The following DYNC1I2 variants were observed in gnomAD, a reference collection of about 807,000 sequenced individuals.
The protein encoded by DYNC1I2 is dynein cytoplasmic 1 intermediate chain 2, also known as cytoplasmic dynein 1 intermediate chain 2.
A neutral mutation model predicts 88.6 loss-of-function variants in DYNC1I2; 53 were observed. That is an observed-to-expected ratio of 0.60 (90% CI 0.48 to 0.75). DYNC1I2 has a LOEUF of 0.75. Ranked by LOEUF, DYNC1I2 falls within the 30% of genes least tolerant of loss-of-function variation. DYNC1I2 has a pLI of 0.00. For missense variants in DYNC1I2, 458 were observed against 766.6 expected, an observed-to-expected ratio of 0.60 and a Z score of 4.75; for synonymous variants, 198 against 254.6, an observed-to-expected ratio of 0.78 and a Z score of 2.12.
Position 171,748,778 on chromosome 2 carries a change from C to T in DYNC1I2, c.*889C>T, listed in dbSNP as rs375732503. Reference sequence around the variant, plus strand: ...TAAAATCTTTGAGAGAAATTGATTTCATGATTTCAGTAGCCATAAAGGCAA... The same window carrying T: ...TAAAATCTTTGAGAGAAATTGATTTTATGATTTCAGTAGCCATAAAGGCAA... On this transcript the variant is annotated 3_prime_UTR_variant, in exon 18 of 18. Coordinates refer to ENST00000397119, the MANE Select transcript of DYNC1I2 (RefSeq NM_001378.3). Among the ~76,000 whole-genome samples the T allele has an allele frequency of 2.2e-4, 33 of 152,298 alleles. No individual in the cohort carries two copies. The highest frequency in any genetic ancestry group is 1.7e-3 in the East Asian group (9 of 5,192).
chr2:171,717,225 C>G (rs1687565793), intron 7 of DYNC1I2, among the ~76,000 whole-genome samples: 1 of 151,174 alleles, frequency 6.6e-6, no homozygotes, highest in Non-Finnish European at 1.5e-5. Flanking sequence ...TCAGTTCTCC[C>G]ACCTCAGCTT....
intron 7 of DYNC1I2, among the ~76,000 whole-genome samples, chr2:171,718,155 G>A (rs867380811): frequency 6.6e-6 from 1 of 151,756 alleles, no homozygotes; most frequent in Non-Finnish European, 1.5e-5. Flanking sequence ...TGGGGGTCTC[G>A]CCATGTTGGC....
At chr2:171,694,417 G>T (rs1278238934) in intron 3 of DYNC1I2, among the ~76,000 whole-genome samples, 1 of 152,128 alleles carries the variant, frequency 6.6e-6, no homozygotes, top group Non-Finnish European at 1.5e-5. Context: ...CAGCACTTTG[G>T]GAGGCCGAGG....
At chr2:171,697,645 C>A in intron 3 of DYNC1I2, among the ~76,000 whole-genome samples, 1 of 146,522 alleles carries the variant, frequency 6.8e-6, no homozygotes, top group African/African-American at 2.6e-5. Context: ...CCCAGGAGTT[C>A]AAGACTAGCG....
intron 7 of DYNC1I2, among the ~76,000 whole-genome samples, chr2:171,724,353 G>A (rs1253813162): frequency 1.3e-5 from 2 of 152,178 alleles, no homozygotes; most frequent in Non-Finnish European, 1.5e-5. Context: ...TGTTTGCTGG[G>A]TAAAGGCTTG....
At chr2:171,735,816 A>C in intron 15 of DYNC1I2, among the ~76,000 whole-genome samples, 1 of 152,252 alleles carries the variant, frequency 6.6e-6, no homozygotes, top group Non-Finnish European at 1.5e-5. Flanking sequence ...ACCACATTTA[A>C]CCATACTTGT....
rs1308302390 is a variant in DYNC1I2 at position 171,725,616 on chromosome 2, A to G, written c.512-2A>G. 9.1e-7 allele frequency: 1 copy of G among 1,094,154 alleles called. No individual in the cohort carries two copies. The highest frequency in any genetic ancestry group is 1.2e-6 in the Non-Finnish European group (1 of 827,168). 67.8% of individuals were successfully genotyped at this position (1,094,154 alleles called of 1,614,324 possible). A position where few individuals can be genotyped will look rare whatever the true frequency, so the allele number is the denominator to read the frequency against. On this transcript the variant is annotated splice_acceptor_variant, in intron 7 of 17. Coordinates refer to ENST00000397119, the MANE Select transcript of DYNC1I2 (RefSeq NM_001378.3). LOFTEE classifies it high-confidence loss of function. ...TTTGTTTGTTTTTTTTTTTTTTTTC[A>G]GATGAAGAGGAAGATGATGATGTAG...
chr2:171,746,091 T>G (rs1355105851), intron 17 of DYNC1I2, among the ~76,000 whole-genome samples, 164 bp downstream of exon 17: 1 of 152,232 alleles, frequency 6.6e-6, no homozygotes, highest in African/African-American at 2.4e-5. Flanking sequence ...TTGAAACATT[T>G]TCTTTCTAAA....
rs1442108539 is a variant in DYNC1I2 at position 171,749,704 on chromosome 2, CT to C, written c.*1820del. Among the ~76,000 whole-genome samples, 1 of 152,118 alleles carries C rather than the reference CT, an allele frequency of 6.6e-6. No homozygotes were observed. Among genetic ancestry groups the C allele is most frequent in the Non-Finnish European group, 1.5e-5 (1 of 67,984 alleles). On this transcript the variant is annotated 3_prime_UTR_variant, in exon 18 of 18. Coordinates refer to ENST00000397119, the MANE Select transcript of DYNC1I2 (RefSeq NM_001378.3). ...AGAATAAAATTGTTTAAATATTTCA[CT>C]TTTTGGGAATGACTTCTCCCCTACT...
At chr2:171,729,269 A>G (rs1688450606) in intron 14 of DYNC1I2, among the ~76,000 whole-genome samples, 1 of 152,124 alleles carries the variant, frequency 6.6e-6, no homozygotes, top group Non-Finnish European at 1.5e-5. Flanking sequence ...TAAACTGAGT[A>G]ATATTTCTCC....
intron 7 of DYNC1I2, among the ~76,000 whole-genome samples, chr2:171,717,539 C>T (rs908198892): frequency 3.3e-5 from 5 of 152,088 alleles, no homozygotes; most frequent in Admixed American, 2.6e-4. Flanking sequence ...ACAGAAGAAA[C>T]ACACTGATGG....
At chr2:171,715,562 T>C (rs942586150) in intron 7 of DYNC1I2, 119 bp downstream of exon 7, 3 of 650,428 alleles carry the variant, frequency 4.6e-6, no homozygotes, top group Admixed American at 6.2e-5. Flanking sequence ...TGGCATGTTT[T>C]CTTAGGGAAA....
At chr2:171,714,550 A>T (rs546495691) in intron 6 of DYNC1I2, among the ~76,000 whole-genome samples, 1 of 152,248 alleles carries the variant, frequency 6.6e-6, no homozygotes, top group South Asian at 2.1e-4. Context: ...CCAATAAAAG[A>T]TCTCCCAGAT....
chr2:171,726,221 A>C lies in DYNC1I2; in HGVS notation c.798A>C (p.Ser266=). The change falls in exon 10 of 18, where the codon TCA becomes TCC. Residue 266 remains serine, a synonymous_variant. Transcript: ENST00000397119. ...AGATTCAAGCAGGTGCTAAACTGTC[A>C]TTAAATCGACAATTTTTTGACGAAC... is the stretch of plus-strand genomic sequence containing the variant. ...EGEIQAGAKL[S]LNRQFFDERW... is the part of the protein sequence containing the mutation. The C allele has an allele frequency of 2.5e-6, 4 of 1,612,290 alleles. No individual in the cohort carries two copies. The highest frequency in any genetic ancestry group is 3.4e-6 in the Non-Finnish European group (4 of 1,179,258).
chr2:171,747,675 T>C (rs772528855), intron 17 of DYNC1I2, 101 bp from the exon 18 acceptor site: 3 of 753,984 alleles, frequency 4.0e-6, no homozygotes, highest in South Asian at 2.1e-5. Flanking sequence ...AGGTCAATTA[T>C]TACTTTTTAA....
chr2:171,738,880 G>T (rs1485361932), intron 15 of DYNC1I2, among the ~76,000 whole-genome samples: 1 of 152,108 alleles, frequency 6.6e-6, no homozygotes, highest in Non-Finnish European at 1.5e-5. Flanking sequence ...CAGGCATGGT[G>T]GCTCACGCCT....
intron 3 of DYNC1I2, among the ~76,000 whole-genome samples, chr2:171,694,479 G>T (rs960788461): frequency 6.6e-5 from 10 of 151,996 alleles, no homozygotes; most frequent in African/African-American, 2.4e-4. Context: ...CCAACACGGA[G>T]AAACCCCGTC....
At chr2:171,697,900 T>A (rs147791858) in intron 3 of DYNC1I2, among the ~76,000 whole-genome samples, 3 of 152,224 alleles carry the variant, frequency 2.0e-5, no homozygotes, top group Non-Finnish European at 4.4e-5. Flanking sequence ...CTTGATTCAC[T>A]TTAGGCTGAA....
At chr2:171,746,520 C>G (rs1418674614) in intron 17 of DYNC1I2, among the ~76,000 whole-genome samples, 1 of 152,124 alleles carries the variant, frequency 6.6e-6, no homozygotes, top group Non-Finnish European at 1.5e-5. Context: ...TAGTCACTTT[C>G]CTTTGCTATG....
Sources: gnomAD v4.1 joint callset for allele counts (sites outside exome capture counted in the v4.1 genomes callset) on GRCh38, gnomAD v4.1.1 for gene constraint, MANE v1.5 for transcripts, NCBI Gene and HGNC (gene_info 2026-07-23, HGNC 2026-07-21) for gene names.